The following HS3ST4 variants were observed in gnomAD, a reference collection of about 807,000 sequenced individuals.
HS3ST4 encodes heparan sulfate-glucosamine 3-sulfotransferase 4.
HS3ST4 carries 17 observed loss-of-function variants against 29.2 expected under a neutral mutation model. The observed-to-expected ratio is 0.58, with a 90% confidence interval of 0.40 to 0.87. The LOEUF is 0.87. Among genes scored for constraint, HS3ST4 ranks in the 40% least tolerant of loss-of-function variants. The pLI is 0.00. For synonymous variants in HS3ST4, 314 were observed against 285.7 expected (o/e 1.10, Z -1.00); for missense variants, 627 against 634.5 (o/e 0.99, Z 0.13).
chr16:25,952,655 A>G (rs1384654796), intron 1 of HS3ST4, among the ~76,000 whole-genome samples: 1 of 152,194 alleles, frequency 6.6e-6, no homozygotes, highest in Non-Finnish European at 1.5e-5. Flanking sequence ...CATTATTAGT[A>G]GTATTGTTAT....
At chr16:25,946,432 A>G (rs1968626800) in intron 1 of HS3ST4, among the ~76,000 whole-genome samples, 1 of 152,198 alleles carries the variant, frequency 6.6e-6, no homozygotes, top group South Asian at 2.1e-4. Flanking sequence ...AAGAGGGATT[A>G]GTTATGTTCT....
chr16:26,133,103 C>T (rs11074756), intron 1 of HS3ST4, among the ~76,000 whole-genome samples: 81,364 of 151,842 alleles, frequency 0.54, 22,816 homozygotes, highest in African/African-American at 0.71. Flanking sequence ...ACCATGTTTT[C>T]CTGCCTTTTC....
intron 1 of HS3ST4, among the ~76,000 whole-genome samples, chr16:25,868,527 T>G (rs1967718140): frequency 6.6e-6 from 1 of 151,816 alleles, no homozygotes; most frequent in South Asian, 2.2e-4. Flanking sequence ...GAAAAAGAAA[T>G]GCAACCACTG....
rs71385575 is a variant in HS3ST4, at chr16:25,828,221, C to CCTTT, written c.734+135089_734+135092dup. On this transcript the variant is annotated intron_variant, in intron 1 of 1. Transcript: ENST00000331351. ...TCTTTCTTTCTTGCTTGCTTTCTTT[C>CCTTT]CTTTCTTTCTTTCTTTCTTTCTCTT... Among the ~76,000 whole-genome samples, 601 of 107,032 alleles carry CCTTT rather than the reference C, an allele frequency of 5.6e-3. 13 individuals are homozygous for CCTTT. The highest frequency in any genetic ancestry group is 0.019 in the African/African-American group (498 of 26,454). The allele number at this position is 107,032 out of a possible 152,430, so 70.2% of individuals were successfully genotyped here.
At chr16:25,828,242 C>CTTTCTTTTTCTTTCTT (rs1371928058) in intron 1 of HS3ST4, among the ~76,000 whole-genome samples, 2 of 75,032 alleles carry the variant, frequency 2.7e-5, no homozygotes, top group East Asian at 3.7e-4. Context: ...TTCTTTCTTT[C>CTTTCTTTTTCTTTCTT]TCTTTCTTTC....
At chr16:25,893,550 A>C (rs1968031257) in intron 1 of HS3ST4, among the ~76,000 whole-genome samples, 1 of 152,142 alleles carries the variant, frequency 6.6e-6, no homozygotes, top group Admixed American at 6.5e-5. Context: ...TCACATGCAA[A>C]TTCATGGACC....
intron 1 of HS3ST4, among the ~76,000 whole-genome samples, chr16:26,024,118 G>A (rs1412158549): frequency 6.6e-6 from 1 of 151,990 alleles, no homozygotes; most frequent in African/African-American, 2.4e-5. Context: ...CAGCTACTTG[G>A]GAGGCTGAAG....
chr16:25,706,543 C>A (rs1053639139), intron 1 of HS3ST4, among the ~76,000 whole-genome samples: 4 of 152,180 alleles, frequency 2.6e-5, no homozygotes, highest in African/African-American at 9.6e-5. Context: ...GCTCCCCACC[C>A]CCCGACAGGC....
intron 1 of HS3ST4, among the ~76,000 whole-genome samples, chr16:25,801,122 T>C (rs1305773952): frequency 6.6e-6 from 1 of 152,082 alleles, no homozygotes; most frequent in African/African-American, 2.4e-5. Flanking sequence ...TCCCAGGTAA[T>C]GTTGATGCCG....
chr16:25,930,060 G>T (rs1282916927), intron 1 of HS3ST4, among the ~76,000 whole-genome samples: 2 of 152,102 alleles, frequency 1.3e-5, no homozygotes, highest in East Asian at 3.9e-4. Flanking sequence ...TTGTATTTTG[G>T]TTCTCTGTTC....
chr16:25,876,954 G>GAAGAAAAACTGTGTCTTACTCATAT (rs1273125819), intron 1 of HS3ST4, among the ~76,000 whole-genome samples: 5 of 152,030 alleles, frequency 3.3e-5, no homozygotes, highest in Admixed American at 6.6e-5. Context: ...AGACTCACCA[G>GAAGAAAAACTGTGTCTTACTCATAT]AAGAAAAACT....
intron 1 of HS3ST4, among the ~76,000 whole-genome samples, chr16:26,073,099 C>G (rs1355740789): frequency 1.3e-5 from 2 of 152,188 alleles, no homozygotes; most frequent in Non-Finnish European, 2.9e-5. Flanking sequence ...CATTACCATT[C>G]TTACTATTTT....
chr16:25,811,641 C>T (rs933312283), intron 1 of HS3ST4, among the ~76,000 whole-genome samples: 10 of 151,982 alleles, frequency 6.6e-5, no homozygotes, highest in African/African-American at 2.4e-4. Flanking sequence ...CCTTTTTGGT[C>T]ATGCTGGTCT....
intron 1 of HS3ST4, among the ~76,000 whole-genome samples, chr16:25,810,872 T>C (rs1967034980): frequency 1.3e-5 from 2 of 152,348 alleles, no homozygotes; most frequent in African/African-American, 4.8e-5. Flanking sequence ...TAGCTTTGAT[T>C]TGAATATTTT....
chr16:26,006,028 G>T (rs1023017432), intron 1 of HS3ST4, among the ~76,000 whole-genome samples: 1 of 152,108 alleles, frequency 6.6e-6, no homozygotes, highest in African/African-American at 2.4e-5. Flanking sequence ...GCCGGGCATG[G>T]TGGCTCACAC....
intron 1 of HS3ST4, among the ~76,000 whole-genome samples, chr16:25,718,164 A>G (rs1275183705): frequency 6.6e-6 from 1 of 152,160 alleles, no homozygotes; most frequent in Non-Finnish European, 1.5e-5. Flanking sequence ...TAATCTGTTC[A>G]GCACACCCTA....
At chr16:26,086,187 T>A (rs1003922380) in intron 1 of HS3ST4, among the ~76,000 whole-genome samples, 2 of 152,128 alleles carry the variant, frequency 1.3e-5, no homozygotes, top group South Asian at 4.1e-4. Context: ...CTATTTATGA[T>A]CACTCGCCCT....
At chr16:25,859,444 A>G (rs1405100538) in intron 1 of HS3ST4, among the ~76,000 whole-genome samples, 1 of 152,174 alleles carries the variant, frequency 6.6e-6, no homozygotes, top group Non-Finnish European at 1.5e-5. Context: ...ACTTAAAATC[A>G]GTTTTCTTGA....
At chr16:25,838,844 C>G (rs908317132) in intron 1 of HS3ST4, among the ~76,000 whole-genome samples, 11 of 152,138 alleles carry the variant, frequency 7.2e-5, no homozygotes, top group African/African-American at 2.7e-4. Context: ...TTTCACTAAT[C>G]CCGATGAGAT....
Sources: allele counts gnomAD v4.1 joint callset (sites outside exome capture counted in the v4.1 genomes callset), GRCh38; gene constraint gnomAD v4.1.1; transcripts MANE v1.5; gene names NCBI Gene and HGNC (gene_info 2026-07-23, HGNC 2026-07-21).